ANKS1B: variants seen among roughly 807,000 people sequenced by gnomAD.
The protein encoded by ANKS1B is ankyrin repeat and sterile alpha motif domain containing 1B.
A neutral mutation model predicts 148.3 loss-of-function variants in ANKS1B; 36 were observed. That is an observed-to-expected ratio of 0.24 (90% CI 0.19 to 0.32). The LOEUF (loss-of-function observed/expected upper bound fraction) is 0.32. ANKS1B is among the 10% of genes least tolerant of loss of function. The probability of loss-of-function intolerance (pLI) is 1.00; values close to 1 mark genes in which losing one functional copy is unlikely to be tolerated. For missense variants in ANKS1B, 1,157 were observed against 1,542.6 expected (o/e 0.75, Z 4.19); for synonymous variants, 542 against 560.8 (o/e 0.97, Z 0.47).
intron 14 of ANKS1B, 183 bp from the exon 15 acceptor site, chr12:99,154,578 T>C (rs1230621004): frequency 3.3e-6 from 5 of 1,503,540 alleles, no homozygotes; most frequent in Non-Finnish European, 4.4e-6. Flanking sequence ...AAGTAAAACA[T>C]AGTTTGCCAG....
At chr12:99,682,098 C>A (rs1239451245) in intron 8 of ANKS1B, among the ~76,000 whole-genome samples, 1 of 152,038 alleles carries the variant, frequency 6.6e-6, no homozygotes, top group Non-Finnish European at 1.5e-5. Flanking sequence ...CAGAAGTTCC[C>A]AAATTTATAA....
intron 8 of ANKS1B, among the ~76,000 whole-genome samples, chr12:99,686,493 T>C (rs898914868): frequency 1.7e-4 from 26 of 152,362 alleles, no homozygotes; most frequent in Non-Finnish European, 3.4e-4. Context: ...CTTCTGGTTC[T>C]GAGTGCTGCC....
At chr12:99,787,960 A>G (rs984128052) in intron 4 of ANKS1B, among the ~76,000 whole-genome samples, 2 of 152,196 alleles carry the variant, frequency 1.3e-5, no homozygotes, top group Admixed American at 6.5e-5. Context: ...GGAATCACCC[A>G]TGGAATGTGA....
Position 99,850,106 on chromosome 12 carries a change from A to C in ANKS1B, c.135-24717T>G, listed in dbSNP as rs532851040. Among the ~76,000 whole-genome samples the C allele has an allele frequency of 2.0e-5, 3 of 152,180 alleles. No homozygotes were observed. The South Asian group carries it at 6.2e-4, about 31-fold the overall frequency. On this transcript the variant is annotated intron_variant, in intron 1 of 26. Transcript: ENST00000683438. ...AGGAATGGAGATTTCATTAGATAACAGTGGTAACAGAAATTGGAAAAATAC... is the reference window on the plus strand; with the variant it reads ...AGGAATGGAGATTTCATTAGATAACCGTGGTAACAGAAATTGGAAAAATAC...
intron 1 of ANKS1B, among the ~76,000 whole-genome samples, chr12:99,981,501 A>G (rs548650904): frequency 6.6e-6 from 1 of 152,232 alleles, no homozygotes; most frequent in Non-Finnish European, 1.5e-5. Context: ...AAATTTAAGG[A>G]ATTTCAAATT....
intron 14 of ANKS1B, among the ~76,000 whole-genome samples, chr12:99,219,465 G>C (rs1422988168): frequency 1.3e-5 from 2 of 152,200 alleles, no homozygotes; most frequent in Admixed American, 1.3e-4. Flanking sequence ...AAGTAAGGAA[G>C]TATGAAGAAG....
chr12:99,590,510 C>T (rs1006745287), intron 9 of ANKS1B, among the ~76,000 whole-genome samples: 1 of 152,168 alleles, frequency 6.6e-6, no homozygotes, highest in African/African-American at 2.4e-5. Flanking sequence ...GCATCTACCA[C>T]AGCGTACAGG....
chr12:99,892,396 G>C (rs778203005), intron 1 of ANKS1B, among the ~76,000 whole-genome samples: 1 of 152,130 alleles, frequency 6.6e-6, no homozygotes, highest in Non-Finnish European at 1.5e-5. Context: ...ACACCGTAAA[G>C]GGATTTTTTA....
At chr12:99,166,300 A>G (rs1390906167) in intron 14 of ANKS1B, among the ~76,000 whole-genome samples, 1 of 151,872 alleles carries the variant, frequency 6.6e-6, no homozygotes, top group Non-Finnish European at 1.5e-5. Flanking sequence ...AATAAAATGC[A>G]TTCATATTGG....
chr12:99,819,713 G>C (rs2082282493), intron 2 of ANKS1B, among the ~76,000 whole-genome samples: 1 of 151,590 alleles, frequency 6.6e-6, no homozygotes, highest in Non-Finnish European at 1.5e-5. Context: ...TTGTTAAGTA[G>C]AGAAGAAAAA....
intron 17 of ANKS1B, among the ~76,000 whole-genome samples, chr12:98,884,662 G>T (rs12317344): frequency 4.2e-4 from 63 of 151,640 alleles, no homozygotes; most frequent in African/African-American, 1.5e-3. Context: ...AGCCGGGCGC[G>T]GTGGCGGGCG....
chr12:99,755,805 TC>T lies in ANKS1B; in HGVS notation c.1128+17116del, dbSNP rs1345726312. 4.6e-5 allele frequency among the ~76,000 whole-genome samples: 7 copies of T among 151,868 alleles called. No individual in the cohort carries two copies. In the South Asian group the frequency reaches 8.3e-4, roughly 18 times the overall value. ...AAAAGGCTTTTGATAAAATTCAACA[TC>T]CATTCATGTTAAAAACTCTCAATAA... is the stretch of plus-strand genomic sequence containing the variant. On this transcript the variant is annotated intron_variant, in intron 8 of 26. Transcript: ENST00000683438.
intron 8 of ANKS1B, among the ~76,000 whole-genome samples, chr12:99,755,594 C>T (rs911134091): frequency 1.6e-5 from 2 of 123,280 alleles, no homozygotes; most frequent in African/African-American, 6.1e-5. Flanking sequence ...CAAAAATCCT[C>T]AAAAAAAAAA....
At chr12:99,116,237 A>T (rs2061390075) in intron 15 of ANKS1B, among the ~76,000 whole-genome samples, 1 of 152,202 alleles carries the variant, frequency 6.6e-6, no homozygotes, top group Admixed American at 6.5e-5. Flanking sequence ...TGAGAAGGAA[A>T]ATCAATTCCT....
intron 11 of ANKS1B, among the ~76,000 whole-genome samples, chr12:99,442,310 G>A (rs1015477723): frequency 6.6e-6 from 1 of 151,806 alleles, no homozygotes; most frequent in Admixed American, 6.6e-5. Flanking sequence ...GATTACAACC[G>A]TGTGCCACTG....
chr12:98,819,210 G>T (rs2099165378), intron 19 of ANKS1B, among the ~76,000 whole-genome samples: 1 of 152,214 alleles, frequency 6.6e-6, no homozygotes, highest in Admixed American at 6.5e-5. Flanking sequence ...TCTGGAAAAG[G>T]ATAATGTAAA....
intron 9 of ANKS1B, among the ~76,000 whole-genome samples, chr12:99,530,110 T>C (rs1288174321): frequency 1.3e-5 from 2 of 152,168 alleles, no homozygotes; most frequent in Non-Finnish European, 2.9e-5. Context: ...AATATGTAAA[T>C]AGAAAAGCTT....
chr12:99,241,988 A>C (rs778127037), intron 14 of ANKS1B, among the ~76,000 whole-genome samples: 109 of 152,260 alleles, frequency 7.2e-4, no homozygotes, highest in Non-Finnish European at 1.3e-3. Flanking sequence ...AAAACCGGCG[A>C]AAGACAGGGA....
chr12:99,350,887 T>C (rs1352599020), intron 12 of ANKS1B, among the ~76,000 whole-genome samples: 3 of 152,114 alleles, frequency 2.0e-5, no homozygotes, highest in Non-Finnish European at 2.9e-5. Flanking sequence ...TAGTTCTGCA[T>C]TGGTTTTGTG....
Sources: allele counts gnomAD v4.1 joint callset (sites outside exome capture counted in the v4.1 genomes callset), GRCh38; gene constraint gnomAD v4.1.1; transcripts MANE v1.5; gene names NCBI Gene and HGNC (gene_info 2026-07-23, HGNC 2026-07-21).